The following SCN2A variants were observed in gnomAD, a reference collection of about 807,000 sequenced individuals.
The protein encoded by SCN2A is sodium channel protein type 2 subunit alpha.
SCN2A carries 20 observed loss-of-function variants against 188.7 expected under a neutral mutation model. The observed-to-expected ratio is 0.11, with a 90% CI of 0.07 to 0.15. The LOEUF (loss-of-function observed/expected upper bound fraction) is 0.15, where lower values mean the gene tolerates loss of function less well. Among genes scored for constraint, SCN2A ranks in the 10% least tolerant of loss-of-function variants. SCN2A has a pLI of 1.00. For synonymous variants in SCN2A, 804 were observed against 833.1 expected, an observed-to-expected ratio of 0.97 and a Z score of 0.60; for missense variants, 1,278 against 2,445.0, an observed-to-expected ratio of 0.52 and a Z score of 10.07.
At chr2:165,323,012 A>G in intron 11 of SCN2A, 144 bp from the exon 12 acceptor site, 1 of 759,080 alleles carries the variant, frequency 1.3e-6, no homozygotes. Context: ...AGCAGTCATC[A>G]GAGGGGTGCT....
chr2:165,310,302 C>T (rs1307260872), intron 6 of SCN2A, 21 bp from the exon 7 acceptor site: 2 of 1,613,080 alleles, frequency 1.2e-6, no homozygotes, highest in South Asian at 1.1e-5. Context: ...TTTAAATTCC[C>T]CCTTCTGATT....
intron 1 of SCN2A, chr2:165,272,893 CATA>C (rs1435167409): frequency 6.6e-6 from 1 of 151,778 alleles, no homozygotes; most frequent in Non-Finnish European, 1.5e-5. Flanking sequence ...CATATTATTT[CATA>C]ATAATCAAGA....
intron 20 of SCN2A, chr2:165,371,680 T>C (rs185562362): frequency 2.6e-5 from 4 of 152,252 alleles, no homozygotes; most frequent in Admixed American, 2.6e-4. Flanking sequence ...GTAAGAAAGA[T>C]AAGTTAGAAA....
chr2:165,380,365 A>G (rs1407390033), intron 23 of SCN2A, among the ~76,000 whole-genome samples: 4 of 151,790 alleles, frequency 2.6e-5, no homozygotes, highest in Non-Finnish European at 5.9e-5. Flanking sequence ...GAAATTGTCT[A>G]TAATCATTCA....
At chr2:165,265,471 C>CTATATATCTATA (rs1553560052) in intron 1 of SCN2A, among the ~76,000 whole-genome samples, 1 of 29,018 alleles carries the variant, frequency 3.4e-5, no homozygotes, top group East Asian at 7.5e-4. Context: ...CTCTGTTGAT[C>CTATATATCTATA]TATATATATA....
At chr2:165,330,867 G>A (rs1475208422) in intron 13 of SCN2A, among the ~76,000 whole-genome samples, 1 of 152,102 alleles carries the variant, frequency 6.6e-6, no homozygotes, top group East Asian at 1.9e-4. Flanking sequence ...TGGTGACACT[G>A]ACAAAATTAT....
rs965001695 is a variant in SCN2A, at chr2:165,370,054, T to C, written c.3676-72T>C. 6.6e-6 allele frequency: 9 copies of C among 1,372,870 alleles called. No homozygotes were observed. The Admixed American group carries it at 1.1e-4, about 17-fold the overall frequency. The allele number at this position is 1,372,870 out of a possible 1,614,324, so 85.0% of individuals were successfully genotyped here. A position where few individuals can be genotyped will look rare whatever the true frequency, so the allele number is the denominator to read the frequency against. On this transcript the variant is annotated intron_variant, in intron 19 of 26. Coordinates refer to ENST00000375437, the MANE Select transcript of SCN2A (RefSeq NM_001040142.2). ...GCACCTGATAAGAGCTTGCATCGTT[T>C]CCTTTTTTAAGAAATCATCAATTAG...
At chr2:165,246,463 C>T (rs2106058910) in intron 1 of SCN2A, among the ~76,000 whole-genome samples, 1 of 152,216 alleles carries the variant, frequency 6.6e-6, no homozygotes, top group East Asian at 1.9e-4. Context: ...ATACATCCTA[C>T]ACCACCTTTC....
rs1302619973 is a variant in SCN2A at position 165,311,901 on chromosome 2, A to G, written c.971-124A>G. On this transcript the variant is annotated intron_variant, in intron 7 of 26. Coordinates refer to ENST00000375437, the MANE Select transcript of SCN2A (RefSeq NM_001040142.2). ...TTGTGAAAAATCTCTTTAGCCATAT[A>G]TATTTATTAGTTTATCCATCTCATT... is the stretch of plus-strand genomic sequence containing the variant. 5.1e-5 allele frequency: 35 copies of G among 686,942 alleles called. 1 individual carries two copies. In the East Asian group the frequency reaches 6.3e-4, roughly 12 times the overall value. 42.6% of individuals were successfully genotyped at this position (686,942 alleles called of 1,614,324 possible). A position where few individuals can be genotyped will look rare whatever the true frequency, so the allele number is the denominator to read the frequency against.
intron 1 of SCN2A, among the ~76,000 whole-genome samples, chr2:165,288,715 G>C (rs944664125): frequency 6.8e-6 from 1 of 146,076 alleles, no homozygotes; most frequent in African/African-American, 2.5e-5. Context: ...AGGTTAAAAA[G>C]AGAAGGATAC....
intron 5 of SCN2A, 132 bp downstream of exon 5, chr2:165,308,926 A>G: frequency 3.9e-6 from 5 of 1,272,652 alleles, no homozygotes; most frequent in East Asian, 4.8e-5. Context: ...TTCCAATCAA[A>G]TTATCCAGTT....
intron 6 of SCN2A, 113 bp from the exon 7 acceptor site, chr2:165,310,210 T>G: frequency 8.9e-7 from 1 of 1,122,380 alleles, no homozygotes; most frequent in Non-Finnish European, 1.4e-6. Flanking sequence ...AAACTAATAT[T>G]GTTGGCATTC....
chr2:165,337,105 G>A (rs1164479131), intron 14 of SCN2A, among the ~76,000 whole-genome samples: 1 of 151,894 alleles, frequency 6.6e-6, no homozygotes, highest in Non-Finnish European at 1.5e-5. Context: ...CAGAGAACAT[G>A]AGCAGAAAAA....
At chr2:165,368,879 T>C (rs1313398057) in intron 19 of SCN2A, among the ~76,000 whole-genome samples, 1 of 152,134 alleles carries the variant, frequency 6.6e-6, no homozygotes, top group African/African-American at 2.4e-5. Context: ...TGTCCTGCCA[T>C]ATACTCAGTT....
chr2:165,384,128 AT>A (rs1701742660), intron 25 of SCN2A, among the ~76,000 whole-genome samples: 12 of 152,112 alleles, frequency 7.9e-5, no homozygotes, highest in Admixed American at 5.9e-4. Flanking sequence ...GAGTCCTCTA[AT>A]GAATTTGGAG....
At chr2:165,307,208 T>C (rs1230771796) in intron 3 of SCN2A, among the ~76,000 whole-genome samples, 1 of 152,162 alleles carries the variant, frequency 6.6e-6, no homozygotes, top group Non-Finnish European at 1.5e-5. Flanking sequence ...ACAAATTTGA[T>C]CTTCATAGCA....
Position 165,291,490 on chromosome 2 carries a change from C to CT in SCN2A, c.-51-4279dup, listed in dbSNP as rs200974907. Among the ~76,000 whole-genome samples, 64 of 22,452 alleles carry CT rather than the reference C, an allele frequency of 2.9e-3. 1 individual carries two copies. Among genetic ancestry groups the CT allele is most frequent in the Admixed American group, 0.011 (20 of 1,784 alleles). 14.7% of individuals were successfully genotyped at this position (22,452 alleles called of 152,430 possible). A position where few individuals can be genotyped will look rare whatever the true frequency, so the allele number is the denominator to read the frequency against. On this transcript the variant is annotated intron_variant, in intron 1 of 26. Transcript: ENST00000375437. ...TCTTTCTTTCTTTCTTTCTTTCTTT[C>CT]TTTTCTTTCTTTCTTTCTTTCTTCC...
At chr2:165,364,532 G>A (rs907992241) in intron 17 of SCN2A, among the ~76,000 whole-genome samples, 1 of 152,196 alleles carries the variant, frequency 6.6e-6, no homozygotes, top group Non-Finnish European at 1.5e-5. Flanking sequence ...ATGAAACACA[G>A]GAGTGCATTG....
At chr2:165,293,065 G>A (rs1023502793) in intron 1 of SCN2A, among the ~76,000 whole-genome samples, 1 of 152,170 alleles carries the variant, frequency 6.6e-6, no homozygotes, top group East Asian at 1.9e-4. Context: ...TTTTTCTGGA[G>A]AGAGTTAACT....
Sources: gnomAD v4.1 joint callset for allele counts (sites outside exome capture counted in the v4.1 genomes callset) on GRCh38, gnomAD v4.1.1 for gene constraint, MANE v1.5 for transcripts, NCBI Gene and HGNC (gene_info 2026-07-23, HGNC 2026-07-21) for gene names.